The following TNN variants were observed in gnomAD, a reference collection of about 807,000 sequenced individuals.
TNN encodes tenascin N, also known as tenascin-N.
A neutral mutation model predicts 134.4 loss-of-function variants in TNN; 122 were observed. That is an observed-to-expected ratio of 0.91 (90% CI 0.78 to 1.06). The LOEUF (loss-of-function observed/expected upper bound fraction) is 1.06, where lower values mean the gene tolerates loss of function less well. Ranked by LOEUF, TNN falls within the 50% of genes least tolerant of loss-of-function variation. The pLI is 0.00. For missense variants in TNN, 1,739 were observed against 1,699.4 expected, an observed-to-expected ratio of 1.02 and a Z score of -0.41; for synonymous variants, 710 against 670.3, an observed-to-expected ratio of 1.06 and a Z score of -0.91.
At chr1:175,132,187 C>G (rs1166010631) in intron 15 of TNN, among the ~76,000 whole-genome samples, 1 of 152,080 alleles carries the variant, frequency 6.6e-6, no homozygotes, top group Non-Finnish European at 1.5e-5. Context: ...GGACCAGGCA[C>G]CTTGCTAGGA....
At chr1:175,069,911 C>T (rs982348315) in intron 1 of TNN, among the ~76,000 whole-genome samples, 5 of 152,208 alleles carry the variant, frequency 3.3e-5, no homozygotes, top group South Asian at 4.1e-4. Flanking sequence ...GAAAACAACA[C>T]GTTAGCTAAA....
Position 175,127,035 on chromosome 1 carries a change from C to A in TNN, c.2995C>A (p.Gln999Lys). ...ATTGACCTGGACGCCCCCCTCTGCT[C>A]AGATCCACGGCTACATTCTGACTTA... ...GILTWTPPSA[Q>K]IHGYILTYQF... Residue 999 changes from glutamine (Q) to lysine (K), a missense_variant, in exon 13 of 19, where the codon CAG (glutamine) becomes AAG (lysine). Coordinates refer to ENST00000239462, the MANE Select transcript of TNN (RefSeq NM_022093.2). The A allele has an allele frequency of 6.2e-7, 1 of 1,614,172 alleles. No individual in the cohort carries two copies. Among genetic ancestry groups the A allele is most frequent in the East Asian group, 2.2e-5 (1 of 44,878 alleles).
At chr1:175,079,194 GC>G (rs1224197408) in intron 2 of TNN, 138 bp from the exon 3 acceptor site, 1 of 1,071,876 alleles carries the variant, frequency 9.3e-7, no homozygotes, top group Non-Finnish European at 1.3e-6. Flanking sequence ...CCAAAAAATA[GC>G]CGTGCAAGAC....
At chr1:175,113,948 T>C (rs867735293) in intron 9 of TNN, among the ~76,000 whole-genome samples, 2 of 152,198 alleles carry the variant, frequency 1.3e-5, no homozygotes, top group African/African-American at 4.8e-5. Context: ...ATTCATATCA[T>C]GTATTATTTT....
At position 175,102,678 on chromosome 1, in the gene TNN, C is replaced by T. The variant is rs1433966330; in HGVS notation, c.2119+4083C>T. Among the ~76,000 whole-genome samples, 7 of 145,996 alleles carry T rather than the reference C, an allele frequency of 4.8e-5. 1 individual carries two copies. Among genetic ancestry groups the T allele is most frequent in the Non-Finnish European group, 1.1e-4 (7 of 65,644 alleles). ...GCGCAGCCCTGGTTCCCACTCGCGC[C>T]TCTCCCTCCACACCTCCCCGCAAGC... On this transcript the variant is annotated intron_variant, in intron 9 of 18. Transcript: ENST00000239462.
rs769956022 is a variant in TNN, at chr1:175,079,657, C to T, written c.734C>T (p.Thr245Met). The T allele has an allele frequency of 3.7e-6, 6 of 1,609,002 alleles. No individual in the cohort carries two copies. The highest frequency in any genetic ancestry group is 1.7e-5 in the Admixed American group (1 of 59,714). ...TGCAGCGGCCACGGCTTCTGTGACA[C>T]GGGCGAGTGCTACTGCGAGGAGGGC... The part of the protein sequence containing the change: ...GDCSGHGFCD[T>M]GECYCEEGFT... Residue 245 changes from threonine (T) to methionine (M), a missense_variant, in exon 3 of 19, where the codon ACG becomes ATG. Thr to Met is a moderately conservative substitution (Grantham distance 81). Coordinates refer to ENST00000239462, the MANE Select transcript of TNN (RefSeq NM_022093.2).
chr1:175,080,164 G>GGTCACCCCACAGGGCCTGCAGCT lies in TNN; in HGVS notation c.788_810dup (p.Leu271SerfsTer18). The GGTCACCCCACAGGGCCTGCAGCT allele has an allele frequency of 4.3e-6, 7 of 1,613,632 alleles. No homozygotes were observed. The highest frequency in any genetic ancestry group is 5.9e-6 in the Non-Finnish European group (7 of 1,179,916). The stretch of plus-strand genomic sequence containing the variant: ...GCCCTGTTCCTGTTCTGCCTGCAGT[G>GGTCACCCCACAGGGCCTGCAGCT]GTCACCCCACAGGGCCTGCAGCTGC... On this transcript the variant is annotated frameshift_variant and splice_region_variant, in exon 4 of 19. Transcript: ENST00000239462. LOFTEE classifies it high-confidence loss of function.
At chr1:175,129,886 G>A (rs948842974) in intron 15 of TNN, among the ~76,000 whole-genome samples, 4 of 152,186 alleles carry the variant, frequency 2.6e-5, no homozygotes, top group African/African-American at 7.2e-5. Flanking sequence ...CAGCAACAAG[G>A]CCTTTGAGGT....
At chr1:175,122,846 A>G (rs1675411711) in intron 11 of TNN, among the ~76,000 whole-genome samples, 1 of 152,172 alleles carries the variant, frequency 6.6e-6, no homozygotes, top group African/African-American at 2.4e-5. Flanking sequence ...AGAAGAAGAG[A>G]TTGATGACAC....
At chr1:175,122,606 C>T (rs528580267) in intron 11 of TNN, among the ~76,000 whole-genome samples, 1 of 152,262 alleles carries the variant, frequency 6.6e-6, no homozygotes, top group African/African-American at 2.4e-5. Context: ...TTGAGAATGG[C>T]AAGTATGCAT....
chr1:175,083,558 A>G (rs1394958420), intron 4 of TNN, among the ~76,000 whole-genome samples, 192 bp from the exon 5 acceptor site: 1 of 152,184 alleles, frequency 6.6e-6, no homozygotes, highest in Non-Finnish European at 1.5e-5. Context: ...TGCCCATGGA[A>G]TATGTGAAAA....
At chr1:175,121,228 T>A (rs1675367390) in intron 11 of TNN, among the ~76,000 whole-genome samples, 1 of 152,248 alleles carries the variant, frequency 6.6e-6, no homozygotes, top group Admixed American at 6.5e-5. Flanking sequence ...CAGAGAGATC[T>A]GTTGGACAGT....
intron 3 of TNN, 59 bp from the exon 4 acceptor site, chr1:175,080,104 C>G: frequency 1.3e-6 from 2 of 1,593,534 alleles, no homozygotes; most frequent in Non-Finnish European, 1.7e-6. Context: ...GGAATACTCA[C>G]TGGGTCTGGA....
chr1:175,081,747 T>C (rs72719303), intron 4 of TNN, among the ~76,000 whole-genome samples: 9,480 of 151,516 alleles, frequency 0.063, 403 homozygotes, highest in Non-Finnish European at 0.094. Context: ...TGGGGGACCA[T>C]AGAGGTATCT....
chr1:175,086,947 C>T (rs1674334937), intron 6 of TNN, among the ~76,000 whole-genome samples: 1 of 152,162 alleles, frequency 6.6e-6, no homozygotes, highest in Non-Finnish European at 1.5e-5. Flanking sequence ...TTAGTTCTCA[C>T]AGCAATCCAA....
rs1008721631 is a variant in TNN at position 175,077,290 on chromosome 1, C to T, written c.-35-94C>T. 30 of 967,978 alleles carry T rather than the reference C, an allele frequency of 3.1e-5. No individual in the cohort carries two copies. The African/African-American group carries it at 4.4e-4, about 14-fold the overall frequency. 60.0% of individuals were successfully genotyped at this position (967,978 alleles called of 1,614,324 possible). On this transcript the variant is annotated intron_variant, in intron 1 of 18. Coordinates refer to ENST00000239462, the MANE Select transcript of TNN (RefSeq NM_022093.2). ...AGAATGAGTTCTTTCTGCTGGTTTC[C>T]CAGCTTCCTTGGGCTCTTAGAATCT...
chr1:175,079,814 G>T lies in TNN; in HGVS notation c.784+107G>T, dbSNP rs540376333. ...TTGGGGGTCTCTTCCTTTAGCCTAC[G>T]CCAGATTGCTGAGTCCCAACCCCAG... On this transcript the variant is annotated intron_variant, in intron 3 of 18. Coordinates refer to ENST00000239462, the MANE Select transcript of TNN (RefSeq NM_022093.2). The T allele has an allele frequency of 2.9e-6, 4 of 1,402,270 alleles. No individual in the cohort carries two copies. The African/African-American group carries it at 4.3e-5, about 15-fold the overall frequency. 86.9% of individuals were successfully genotyped at this position (1,402,270 alleles called of 1,614,324 possible).
At position 175,126,910 on chromosome 1, in the gene TNN, C is replaced by T. The variant is rs776844266; in HGVS notation, c.2915-45C>T. The T allele has an allele frequency of 4.5e-6, 7 of 1,569,684 alleles. No homozygotes were observed. In the South Asian group the frequency reaches 8.4e-5, roughly 19 times the overall value. Reference sequence around the variant, plus strand: ...TGATGTCTCAAAAATTACCTTGCCTCAGTTGTATCTTAGTAATAACAATTA... The same window carrying T: ...TGATGTCTCAAAAATTACCTTGCCTTAGTTGTATCTTAGTAATAACAATTA... On this transcript the variant is annotated intron_variant, in intron 12 of 18. Transcript: ENST00000239462.
Position 175,127,069 on chromosome 1 carries a change from C to A in TNN, c.3029C>A (p.Pro1010Gln). 1 of 1,613,886 alleles carries A rather than the reference C, an allele frequency of 6.2e-7. No individual in the cohort carries two copies. The highest frequency in any genetic ancestry group is 8.5e-7 in the Non-Finnish European group (1 of 1,179,914). The change falls in exon 13 of 19, where the codon CCA (proline) becomes CAA (glutamine). Residue 1010 changes from proline (P) to glutamine (Q), a missense_variant. Coordinates refer to ENST00000239462, the MANE Select transcript of TNN (RefSeq NM_022093.2). Reference sequence around the variant, plus strand: ...GGCTACATTCTGACTTACCAGTTCCCAGATGGCACAGTTAAGGTACGGGGA... The same window carrying A: ...GGCTACATTCTGACTTACCAGTTCCAAGATGGCACAGTTAAGGTACGGGGA... ...IHGYILTYQF[P>Q]DGTVKEMQLG...
Sources: gnomAD v4.1 joint callset for allele counts (sites outside exome capture counted in the v4.1 genomes callset) on GRCh38, gnomAD v4.1.1 for gene constraint, MANE v1.5 for transcripts, NCBI Gene and HGNC (gene_info 2026-07-23, HGNC 2026-07-21) for gene names.